MTHFD1L: variants seen among roughly 807,000 people sequenced by gnomAD.
MTHFD1L encodes methylenetetrahydrofolate dehydrogenase (NADP+ dependent) 1 like.
In MTHFD1L, 81 loss-of-function variants were observed where a neutral mutation model predicts 119.5. That is an observed-to-expected ratio of 0.68 (90% CI 0.57 to 0.82). MTHFD1L has a LOEUF of 0.82. Ranked by LOEUF, MTHFD1L falls within the 40% of genes least tolerant of loss-of-function variation. MTHFD1L has a pLI of 0.00. For synonymous variants in MTHFD1L, 430 were observed against 475.2 expected (o/e 0.90, Z 1.24); for missense variants, 1,125 against 1,253.4 (o/e 0.90, Z 1.55).
At chr6:150,951,735 T>C (rs1794907770) in intron 16 of MTHFD1L, among the ~76,000 whole-genome samples, 1 of 152,196 alleles carries the variant, frequency 6.6e-6, no homozygotes, top group African/African-American at 2.4e-5. Flanking sequence ...GAAAATTTTT[T>C]TTATAACTAG....
Position 151,021,367 on chromosome 6 carries a change from G to A in MTHFD1L, c.2586+5674G>A, listed in dbSNP as rs183801376. Among the ~76,000 whole-genome samples the A allele has an allele frequency of 1.3e-4, 20 of 152,244 alleles. No homozygotes were observed. The East Asian group carries it at 3.7e-3, about 28-fold the overall frequency. On this transcript the variant is annotated intron_variant, in intron 24 of 27. Coordinates refer to ENST00000367321, the MANE Select transcript of MTHFD1L (RefSeq NM_015440.5). ...GTTCGAGACCAGCCTGGGAAACATGGTGAAACCCCATCTCTACTAAAAATA... is the reference window on the plus strand; with the variant it reads ...GTTCGAGACCAGCCTGGGAAACATGATGAAACCCCATCTCTACTAAAAATA...
intron 11 of MTHFD1L, among the ~76,000 whole-genome samples, chr6:150,928,353 G>T (rs867010923): frequency 4.0e-5 from 6 of 148,784 alleles, no homozygotes; most frequent in Middle Eastern, 7.0e-3. Flanking sequence ...GGAGAATGGC[G>T]TGAACCTGGG....
chr6:150,994,067 A>AGG (rs1779408642), intron 20 of MTHFD1L, among the ~76,000 whole-genome samples: 3 of 139,622 alleles, frequency 2.1e-5, no homozygotes, highest in African/African-American at 9.4e-5. Context: ...ACAACAGTAA[A>AGG]AAAAAAAAAA....
intron 15 of MTHFD1L, among the ~76,000 whole-genome samples, chr6:150,948,541 C>T (rs1173381207): frequency 6.6e-6 from 1 of 152,092 alleles, no homozygotes; most frequent in African/African-American, 2.4e-5. Context: ...CCAGTCTGGT[C>T]TCGAACTCCT....
intron 8 of MTHFD1L, among the ~76,000 whole-genome samples, chr6:150,914,169 C>A (rs1272629448): frequency 6.6e-6 from 1 of 151,378 alleles, no homozygotes; most frequent in Non-Finnish European, 1.5e-5. Context: ...TTGTGGCATG[C>A]GCCTGTAGTC....
Position 151,074,973 on chromosome 6 carries a change from G to A in MTHFD1L, c.2848-17494G>A, listed in dbSNP as rs543587870. On this transcript the variant is annotated intron_variant, in intron 26 of 27. Coordinates refer to ENST00000367321, the MANE Select transcript of MTHFD1L (RefSeq NM_015440.5). ...GTAACCATTTCAGTAATTCAACAAC[G>A]TTATAGTTAAAGAGTTGTAACCTTG... Among the ~76,000 whole-genome samples the A allele has an allele frequency of 8.0e-4, 121 of 152,160 alleles. 2 individuals carry two copies. Among genetic ancestry groups the A allele is most frequent in the Middle Eastern group, 3.4e-3 (1 of 294 alleles).
At chr6:151,002,525 C>T (rs1780764234) in intron 20 of MTHFD1L, among the ~76,000 whole-genome samples, 1 of 152,154 alleles carries the variant, frequency 6.6e-6, no homozygotes, top group African/African-American at 2.4e-5. Context: ...CCCATGCTGC[C>T]CCATGTTGAG....
chr6:150,967,340 G>A (rs1331973222), intron 19 of MTHFD1L, among the ~76,000 whole-genome samples: 2 of 152,118 alleles, frequency 1.3e-5, no homozygotes, highest in African/African-American at 4.8e-5. Context: ...GGCGTCTGGG[G>A]TCCCCCCCTC....
chr6:151,043,220 A>G (rs1297659661), intron 26 of MTHFD1L, among the ~76,000 whole-genome samples: 2 of 140,894 alleles, frequency 1.4e-5, no homozygotes, highest in Admixed American at 7.1e-5. Flanking sequence ...GGAGTTGGAG[A>G]GGGGATAATT....
chr6:151,075,967 T>C (rs1341790418), intron 26 of MTHFD1L, among the ~76,000 whole-genome samples: 1 of 152,194 alleles, frequency 6.6e-6, no homozygotes, highest in East Asian at 1.9e-4. Flanking sequence ...TGAACACATA[T>C]TTCACCCAAG....
chr6:151,049,499 A>G (rs1440663776), intron 26 of MTHFD1L, among the ~76,000 whole-genome samples: 42 of 151,372 alleles, frequency 2.8e-4, no homozygotes, highest in Non-Finnish European at 4.1e-4. Flanking sequence ...CTCAAAAAAA[A>G]AAAAAAAAAA....
intron 13 of MTHFD1L, among the ~76,000 whole-genome samples, chr6:150,939,850 G>A (rs1792799164): frequency 6.6e-6 from 1 of 151,816 alleles, no homozygotes; most frequent in Non-Finnish European, 1.5e-5. Context: ...GTGCCTGACT[G>A]ATTTTTTGTA....
intron 19 of MTHFD1L, among the ~76,000 whole-genome samples, chr6:150,966,988 C>T (rs1299475626): frequency 6.6e-6 from 1 of 152,204 alleles, no homozygotes; most frequent in Non-Finnish European, 1.5e-5. Context: ...GTGCCAAGGC[C>T]ACACCCTTCT....
chr6:151,000,148 G>T (rs1233908306), intron 20 of MTHFD1L, among the ~76,000 whole-genome samples: 1 of 152,090 alleles, frequency 6.6e-6, no homozygotes, highest in East Asian at 1.9e-4. Flanking sequence ...GACCATCCTG[G>T]CCACATGGTG....
At chr6:151,046,183 G>A (rs1226090892) in intron 26 of MTHFD1L, among the ~76,000 whole-genome samples, 2 of 151,986 alleles carry the variant, frequency 1.3e-5, no homozygotes, top group Non-Finnish European at 2.9e-5. Flanking sequence ...AATATGCTGA[G>A]TAATAATGTT....
intron 7 of MTHFD1L, among the ~76,000 whole-genome samples, chr6:150,893,515 A>G (rs529502579): frequency 6.6e-6 from 1 of 152,342 alleles, no homozygotes; most frequent in African/African-American, 2.4e-5. Context: ...AAGTAGAAGG[A>G]CGTTATCTTT....
chr6:151,052,788 T>C (rs541714813), intron 26 of MTHFD1L, among the ~76,000 whole-genome samples: 1 of 152,302 alleles, frequency 6.6e-6, no homozygotes, highest in South Asian at 2.1e-4. Flanking sequence ...CATTCTTCAC[T>C]CTTTAATGCA....
chr6:151,069,505 T>G (rs991936496), intron 26 of MTHFD1L, among the ~76,000 whole-genome samples: 7 of 152,180 alleles, frequency 4.6e-5, no homozygotes, highest in African/African-American at 1.7e-4. Context: ...AATTTCTGAC[T>G]GTGTTATTTT....
At chr6:150,871,891 A>ATTTTTTTTTTTTTTTTTTT (rs1562287413) in intron 1 of MTHFD1L, among the ~76,000 whole-genome samples, 1 of 147,054 alleles carries the variant, frequency 6.8e-6, no homozygotes, top group African/African-American at 2.5e-5. Context: ...ATTTTATTTT[A>ATTTTTTTTTTTTTTTTTTT]TTTTTTGAGA....
Sources: gnomAD v4.1 joint callset for allele counts (sites outside exome capture counted in the v4.1 genomes callset) on GRCh38, gnomAD v4.1.1 for gene constraint, MANE v1.5 for transcripts, NCBI Gene and HGNC (gene_info 2026-07-23, HGNC 2026-07-21) for gene names.